ITPR1: variants seen among roughly 807,000 people sequenced by gnomAD.
The protein encoded by ITPR1 is inositol 1,4,5-trisphosphate-gated calcium channel ITPR1.
A neutral mutation model predicts 318.4 loss-of-function variants in ITPR1; 96 were observed. That is an observed-to-expected ratio of 0.30 (90% confidence interval 0.26 to 0.36). ITPR1 has a LOEUF of 0.36. Ranked by LOEUF, ITPR1 falls within the 10% of genes least tolerant of loss-of-function variation. The pLI is 1.00. For synonymous variants in ITPR1, 1,312 were observed against 1,289.9 expected (o/e 1.02, Z -0.37); for missense variants, 2,440 against 3,460.2 (o/e 0.71, Z 7.40).
chr3:4,679,360 C>T (rs189476924), intron 24 of ITPR1, among the ~76,000 whole-genome samples: 49 of 152,332 alleles, frequency 3.2e-4, no homozygotes, highest in African/African-American at 1.1e-3. Flanking sequence ...CAGTCTGCCA[C>T]AGCAAGCTGT....
intron 60 of ITPR1, among the ~76,000 whole-genome samples, chr3:4,829,313 C>T (rs2050283528): frequency 6.6e-6 from 1 of 152,148 alleles, no homozygotes; most frequent in Admixed American, 6.5e-5. Flanking sequence ...CAGAAATGTA[C>T]AGAACCTGTG....
intron 40 of ITPR1, among the ~76,000 whole-genome samples, chr3:4,719,912 G>C (rs1442274122): frequency 6.6e-6 from 1 of 152,148 alleles, no homozygotes; most frequent in Admixed American, 6.5e-5. Context: ...TGGGGCTGGG[G>C]CAGGGGGACA....
intron 24 of ITPR1, among the ~76,000 whole-genome samples, chr3:4,678,197 G>C (rs908534171): frequency 1.3e-5 from 2 of 152,190 alleles, no homozygotes; most frequent in African/African-American, 4.8e-5. Context: ...GGACGATAAA[G>C]ACAGCTTAAG....
chr3:4,781,869 G>C (rs1260770017), intron 49 of ITPR1, among the ~76,000 whole-genome samples: 1 of 152,170 alleles, frequency 6.6e-6, no homozygotes, highest in Non-Finnish European at 1.5e-5. Context: ...TGTAGTTCCA[G>C]CTACTTGGGA....
At chr3:4,667,132 C>T (rs2093966588) in intron 17 of ITPR1, among the ~76,000 whole-genome samples, 1 of 152,068 alleles carries the variant, frequency 6.6e-6, no homozygotes, top group Admixed American at 6.5e-5. Context: ...ATAAAATATC[C>T]ACGTGTAAAT....
intron 4 of ITPR1, among the ~76,000 whole-genome samples, chr3:4,539,291 CTTTGT>C (rs1322628655): frequency 3.9e-5 from 6 of 152,028 alleles, no homozygotes; most frequent in Non-Finnish European, 5.9e-5. Flanking sequence ...CAGATAATAT[CTTTGT>C]TTTATCAGTC....
rs772860677 is a variant in ITPR1, at chr3:4,775,453, T to A, written c.6180+11T>A. 43 of 1,602,688 alleles carry A rather than the reference T, an allele frequency of 2.7e-5. No homozygotes were observed. In the African/African-American group the frequency reaches 3.9e-4, roughly 15 times the overall value. The stretch of plus-strand genomic sequence containing the variant: ...TGCCATGAGAACCAGGTAATTAAAT[T>A]TCTGTTTTGGGATGGGGAAAAAAAG... On this transcript the variant is annotated intron_variant, in intron 47 of 61. Transcript: ENST00000649015.
chr3:4,783,988 G>T, intron 51 of ITPR1, 68 bp downstream of exon 51: 1 of 1,047,312 alleles, frequency 9.5e-7, no homozygotes, highest in Non-Finnish European at 1.4e-6. Context: ...CCCTGCTCTG[G>T]GGCTGGCGTG....
At chr3:4,833,189 T>C (rs1289583200) in intron 60 of ITPR1, among the ~76,000 whole-genome samples, 3 of 152,222 alleles carry the variant, frequency 2.0e-5, no homozygotes, top group Non-Finnish European at 2.9e-5. Flanking sequence ...AAGACCCTTC[T>C]GAAATCATTG....
chr3:4,510,234 A>T (rs777996368), intron 2 of ITPR1, among the ~76,000 whole-genome samples: 3 of 152,150 alleles, frequency 2.0e-5, no homozygotes, highest in Non-Finnish European at 2.9e-5. Flanking sequence ...CTGGAAAAAA[A>T]ATCATTATGG....
intron 52 of ITPR1, among the ~76,000 whole-genome samples, chr3:4,789,077 T>A (rs550148146): frequency 6.6e-6 from 1 of 152,186 alleles, no homozygotes; most frequent in East Asian, 1.9e-4. Context: ...GCAGATAAGG[T>A]GGTGCAAGAA....
intron 44 of ITPR1, among the ~76,000 whole-genome samples, chr3:4,753,433 C>T (rs2044702946): frequency 6.6e-6 from 1 of 152,156 alleles, no homozygotes; most frequent in Non-Finnish European, 1.5e-5. Context: ...GCTCTAACCG[C>T]TTGGCCATCT....
At chr3:4,746,918 C>T (rs2044151467) in intron 44 of ITPR1, among the ~76,000 whole-genome samples, 2 of 152,172 alleles carry the variant, frequency 1.3e-5, no homozygotes, top group South Asian at 4.1e-4. Flanking sequence ...TCTGACTCCC[C>T]AGCACTCAGA....
At chr3:4,568,227 A>G (rs1416646458) in intron 4 of ITPR1, among the ~76,000 whole-genome samples, 1 of 152,214 alleles carries the variant, frequency 6.6e-6, no homozygotes, top group African/African-American at 2.4e-5. Context: ...ACAAAATTAA[A>G]AACTTTGATG....
chr3:4,791,228 G>T (rs944014427), intron 52 of ITPR1, among the ~76,000 whole-genome samples: 1 of 152,178 alleles, frequency 6.6e-6, no homozygotes, highest in Non-Finnish European at 1.5e-5. Flanking sequence ...AATGTAGCAG[G>T]TATATTGATC....
intron 11 of ITPR1, among the ~76,000 whole-genome samples, chr3:4,653,558 CTTT>C (rs779768470): frequency 3.9e-5 from 6 of 152,122 alleles, no homozygotes; most frequent in Non-Finnish European, 8.8e-5. Flanking sequence ...GTGTATTGAT[CTTT>C]TATTCATCTC....
chr3:4,572,113 G>A lies in ITPR1; in HGVS notation c.163+51019G>A, dbSNP rs957839189. Among the ~76,000 whole-genome samples the A allele has an allele frequency of 3.9e-5, 6 of 152,262 alleles. No individual in the cohort carries two copies. In the East Asian group the frequency reaches 7.7e-4, roughly 20 times the overall value. On this transcript the variant is annotated intron_variant, in intron 4 of 61. Coordinates refer to ENST00000649015, the MANE Select transcript of ITPR1 (RefSeq NM_001378452.1). ...TCTTTCTTTACTTTGCTTATTGAGC[G>A]GGTCCAGTCCTATGACTTGAAATGC...
At chr3:4,832,426 G>A (rs2050583330) in intron 60 of ITPR1, among the ~76,000 whole-genome samples, 1 of 152,148 alleles carries the variant, frequency 6.6e-6, no homozygotes, top group South Asian at 2.1e-4. Flanking sequence ...GGGAGGTGGT[G>A]GTTGGATCAC....
chr3:4,757,580 C>A (rs573576239), intron 44 of ITPR1, among the ~76,000 whole-genome samples: 1 of 152,018 alleles, frequency 6.6e-6, no homozygotes, highest in Admixed American at 6.5e-5. Flanking sequence ...AGGGCTGAGG[C>A]GTCGGACAGG....
Sources: gnomAD v4.1 joint callset for allele counts (sites outside exome capture counted in the v4.1 genomes callset) on GRCh38, gnomAD v4.1.1 for gene constraint, MANE v1.5 for transcripts, NCBI Gene and HGNC (gene_info 2026-07-23, HGNC 2026-07-21) for gene names.